Variants in TMCC3 observed in about 807,000 individuals in gnomAD.
TMCC3 encodes transmembrane and coiled-coil domain family 3, also known as transmembrane and coiled-coil domain protein 3.
In TMCC3, 28 loss-of-function variants were observed where a neutral mutation model predicts 40.2. The observed-to-expected ratio is 0.70, with a 90% CI of 0.52 to 0.95. The LOEUF (loss-of-function observed/expected upper bound fraction) is 0.95, where lower values mean the gene tolerates loss of function less well. Among genes scored for constraint, TMCC3 ranks in the 40% least tolerant of loss-of-function variants. The pLI, the probability that TMCC3 is intolerant of heterozygous loss-of-function variation, is 0.00. For missense variants in TMCC3, 554 were observed against 615.2 expected, an observed-to-expected ratio of 0.90 and a Z score of 1.05; for synonymous variants, 255 against 248.5, an observed-to-expected ratio of 1.03 and a Z score of -0.25.
intron 1 of TMCC3, among the ~76,000 whole-genome samples, chr12:94,597,771 C>A (rs2068727545): frequency 6.6e-6 from 1 of 152,088 alleles, no homozygotes; most frequent in Non-Finnish European, 1.5e-5. Context: ...CGCGCCATTG[C>A]ACTCCAGCCT....
intron 1 of TMCC3, among the ~76,000 whole-genome samples, chr12:94,606,292 G>A (rs1410005101): frequency 2.0e-5 from 3 of 152,050 alleles, no homozygotes; most frequent in Non-Finnish European, 4.4e-5. Context: ...TGCCCAAGAG[G>A]CTTTACTCAT....
intron 1 of TMCC3, among the ~76,000 whole-genome samples, chr12:94,646,525 G>A (rs1370920161): frequency 2.3e-5 from 3 of 128,512 alleles, no homozygotes; most frequent in Non-Finnish European, 3.1e-5. Flanking sequence ...TGCAATCTCC[G>A]CCTCCCGGGT....
At position 94,569,256 on chromosome 12, in the gene TMCC3, T is replaced by A. The variant is rs2068512370; in HGVS notation, c.*2179A>T. ...CAGGCCCCAGCTTGATTTAGGAGTG[T>A]AAGTTACACTCAGCACTCAGCCCAC... On this transcript the variant is annotated 3_prime_UTR_variant, in exon 4 of 4. Coordinates refer to ENST00000261226, the MANE Select transcript of TMCC3 (RefSeq NM_020698.4). 1 of 152,234 alleles carries A rather than the reference T, an allele frequency of 6.6e-6. No individual in the cohort carries two copies. Among genetic ancestry groups the A allele is most frequent in the Non-Finnish European group, 1.5e-5 (1 of 68,066 alleles). 9.4% of individuals were successfully genotyped at this position (152,234 alleles called of 1,614,324 possible). A position where few individuals can be genotyped will look rare whatever the true frequency, so the allele number is the denominator to read the frequency against.
intron 1 of TMCC3, among the ~76,000 whole-genome samples, chr12:94,605,382 C>T (rs2068776917): frequency 1.3e-5 from 2 of 152,144 alleles, no homozygotes. Context: ...GGATTTAGTT[C>T]AGGTCACATA....
At chr12:94,608,116 A>G (rs2068794238) in intron 1 of TMCC3, among the ~76,000 whole-genome samples, 1 of 152,242 alleles carries the variant, frequency 6.6e-6, no homozygotes, top group Non-Finnish European at 1.5e-5. Flanking sequence ...GATTGACTCA[A>G]AGAGTTCAAT....
At chr12:94,624,685 G>T (rs12823052) in intron 1 of TMCC3, among the ~76,000 whole-genome samples, 5,313 of 151,926 alleles carry the variant, frequency 0.035, 138 homozygotes, top group South Asian at 0.14. Flanking sequence ...CTGCACTCCA[G>T]CTTGGGCTAC....
rs182126971 is a variant in TMCC3 at position 94,569,323 on chromosome 12, C to G, written c.*2112G>C. 2 of 152,274 alleles carry G rather than the reference C, an allele frequency of 1.3e-5. No individual in the cohort carries two copies. Among genetic ancestry groups the G allele is most frequent in the African/African-American group, 4.8e-5 (2 of 41,434 alleles). The allele number at this position is 152,274 out of a possible 1,614,324, so 9.4% of individuals were successfully genotyped here. A position where few individuals can be genotyped will look rare whatever the true frequency, so the allele number is the denominator to read the frequency against. On this transcript the variant is annotated 3_prime_UTR_variant, in exon 4 of 4. Transcript: ENST00000261226. ...ACAGGTAAAGGGTAATGCTGGCCATCGAAATACAAAAGCTAAAGGAAGCAC... is the reference window on the plus strand; with the variant it reads ...ACAGGTAAAGGGTAATGCTGGCCATGGAAATACAAAAGCTAAAGGAAGCAC...
At chr12:94,597,143 ATATATATATATATATGTATAT>A in intron 1 of TMCC3, among the ~76,000 whole-genome samples, 1 of 15,902 alleles carries the variant, frequency 6.3e-5, no homozygotes, top group East Asian at 6.0e-4. Context: ...ATATATATAT[ATATATATATATATATGTATAT>A]AAATTAGCCA....
intron 2 of TMCC3, among the ~76,000 whole-genome samples, 178 bp from the exon 3 acceptor site, chr12:94,578,707 G>C (rs531776628): frequency 6.6e-6 from 1 of 152,304 alleles, no homozygotes; most frequent in East Asian, 1.9e-4. Flanking sequence ...CTGAGTCCCA[G>C]CTCTGGAAAG....
intron 2 of TMCC3, among the ~76,000 whole-genome samples, chr12:94,579,935 C>T (rs1464509881): frequency 6.6e-6 from 1 of 152,108 alleles, no homozygotes. Flanking sequence ...ATAGAACTGA[C>T]GTTCATACTC....
In TMCC3 at chr12:94,578,377, C is replaced by T. The variant is rs759724636; in HGVS notation, c.1131+17G>A. The T allele has an allele frequency of 6.2e-7, 1 of 1,611,612 alleles. No homozygotes were observed. The highest frequency in any genetic ancestry group is 8.5e-7 in the Non-Finnish European group (1 of 1,178,372). On this transcript the variant is annotated intron_variant, in intron 3 of 3. Coordinates refer to ENST00000261226, the MANE Select transcript of TMCC3 (RefSeq NM_020698.4). Reference sequence around the variant, plus strand: ...GGAAGAGCCCAGGCCTGTGTCTAATCACAAAGGGAAAGGTACCTGGATGTC... The same window carrying T: ...GGAAGAGCCCAGGCCTGTGTCTAATTACAAAGGGAAAGGTACCTGGATGTC...
At chr12:94,586,523 C>T (rs1031082182) in intron 1 of TMCC3, among the ~76,000 whole-genome samples, 2 of 152,260 alleles carry the variant, frequency 1.3e-5, no homozygotes, top group Non-Finnish European at 2.9e-5. Flanking sequence ...CTGGAGCTCA[C>T]AGATAAGACG....
At chr12:94,627,239 A>C (rs2068908728) in intron 1 of TMCC3, among the ~76,000 whole-genome samples, 1 of 152,118 alleles carries the variant, frequency 6.6e-6, no homozygotes, top group African/African-American at 2.4e-5. Context: ...AGGATTTTAA[A>C]ACCAGGCCTG....
intron 1 of TMCC3, among the ~76,000 whole-genome samples, chr12:94,593,440 GAGAAGGAGAAGGAGAAGA>G (rs1566320724): frequency 3.8e-5 from 1 of 26,290 alleles, no homozygotes; most frequent in Non-Finnish European, 8.7e-5. Context: ...GAAGGAGAAG[GAGAAGGAGAAGGAGAAGA>G]AGAAGAAGAA....
chr12:94,605,989 T>A (rs965279924), intron 1 of TMCC3, among the ~76,000 whole-genome samples: 1 of 151,648 alleles, frequency 6.6e-6, no homozygotes, highest in Non-Finnish European at 1.5e-5. Flanking sequence ...AAAAAAAAAA[T>A]CCAAATGAGA....
chr12:94,641,059 A>G (rs2651986), intron 1 of TMCC3, among the ~76,000 whole-genome samples: 82,283 of 151,832 alleles, frequency 0.54, 22,466 homozygotes, highest in Middle Eastern at 0.56. Flanking sequence ...AATTATCTGG[A>G]CATGATGGTA....
intron 1 of TMCC3, among the ~76,000 whole-genome samples, chr12:94,646,302 A>C (rs959939772): frequency 3.3e-5 from 5 of 151,742 alleles, no homozygotes; most frequent in Admixed American, 2.6e-4. Context: ...AGTTCTGATT[A>C]GTAGTGGCAC....
chr12:94,598,810 G>A lies in TMCC3; in HGVS notation c.79-16272C>T, dbSNP rs371360481. ...TTTTGTGATCTGGGATAAAAGAAAC[G>A]ACAAAGAAATAAAACAAATGGTGGG... On this transcript the variant is annotated intron_variant, in intron 1 of 3. Coordinates refer to ENST00000261226, the MANE Select transcript of TMCC3 (RefSeq NM_020698.4). 1.7e-5 allele frequency: 16 copies of A among 966,506 alleles called. No individual in the cohort carries two copies. In the Admixed American group the frequency reaches 5.5e-4, roughly 33 times the overall value. 59.9% of individuals were successfully genotyped at this position (966,506 alleles called of 1,614,324 possible).
At chr12:94,587,783 G>A (rs751731644) in intron 1 of TMCC3, among the ~76,000 whole-genome samples, 2 of 152,192 alleles carry the variant, frequency 1.3e-5, no homozygotes, top group Non-Finnish European at 2.9e-5. Context: ...CCTTTGCACC[G>A]TGGGGTTATG....
Sources: allele counts gnomAD v4.1 joint callset (sites outside exome capture counted in the v4.1 genomes callset), GRCh38; gene constraint gnomAD v4.1.1; transcripts MANE v1.5; gene names NCBI Gene and HGNC (gene_info 2026-07-23, HGNC 2026-07-21).